CDKL5: variants seen among roughly 807,000 people sequenced by gnomAD.
CDKL5 encodes the protein cyclin dependent kinase like 5.
Under a neutral mutation model 61.7 loss-of-function variants are expected in CDKL5, and 8 were observed. The ratio of observed to expected loss-of-function variants is 0.13; its 90% CI spans 0.08 to 0.23. CDKL5 has a LOEUF of 0.23. CDKL5 is among the 10% of genes least tolerant of loss of function. The probability of loss-of-function intolerance (pLI) is 1.00; values close to 1 mark genes in which losing one functional copy is unlikely to be tolerated. For missense variants in CDKL5, 440 were observed against 734.5 expected (o/e 0.60, Z 4.63); for synonymous variants, 275 against 272.3 (o/e 1.01, Z -0.10).
At chrX:18,559,634 CTTT>C (rs1231411086) in intron 3 of CDKL5, among the ~76,000 whole-genome samples, 2 of 74,866 alleles carry the variant, frequency 2.7e-5, no homozygotes, top group Admixed American at 3.0e-4. Context: ...TTTTTTTTTT[CTTT>C]TTATTATTAT....
At position 18,519,583 on chromosome X, in the gene CDKL5, C is replaced by T. The variant is rs191959737; in HGVS notation, c.99+8729C>T. Among the ~76,000 whole-genome samples the T allele has an allele frequency of 3.4e-3, 379 of 111,686 alleles. 2 individuals carry two copies. The highest frequency in any genetic ancestry group is 0.03 in the Admixed American group (310 of 10,459). Reference sequence around the variant, plus strand: ...AGTTTTGTATTGGTTACCTCTTTCACGTGTCAACTGTCACAGCAGAGATGT... The same window carrying T: ...AGTTTTGTATTGGTTACCTCTTTCATGTGTCAACTGTCACAGCAGAGATGT... On this transcript the variant is annotated intron_variant, in intron 3 of 17. Transcript: ENST00000623535.
chrX:18,613,162 A>G lies in CDKL5; in HGVS notation c.2163A>G (p.Pro721=). Residue 721 remains proline (P), a synonymous_variant, in exon 15 of 18, where the codon CCA becomes CCG. Transcript: ENST00000623535. Reference sequence around the variant, plus strand: ...TTTTTCTTTATTCAGTGCCATCTCCACGTCCAGACAATTCTTTCCATGAAA... The same window carrying G: ...TTTTTCTTTATTCAGTGCCATCTCCGCGTCCAGACAATTCTTTCCATGAAA... ...RVGSFYRVPS[P]RPDNSFHENN... The G allele has an allele frequency of 8.4e-7, 1 of 1,189,264 alleles. No individual in the cohort carries two copies. The highest frequency in any genetic ancestry group is 1.1e-6 in the Non-Finnish European group (1 of 880,766).
At chrX:18,481,371 T>TCTTTCTTTA in intron 1 of CDKL5, among the ~76,000 whole-genome samples, 1 of 95,903 alleles carries the variant, frequency 1.0e-5, no homozygotes, top group African/African-American at 3.9e-5. Flanking sequence ...TTTCTTTCTT[T>TCTTTCTTTA]TGAGGCAGGG....
chrX:18,517,877 G>A (rs941383599), intron 3 of CDKL5, among the ~76,000 whole-genome samples: 37 of 111,109 alleles, frequency 3.3e-4, no homozygotes, highest in Non-Finnish European at 6.0e-4. Flanking sequence ...GCATGGTGGC[G>A]GACACCTGTA....
At chrX:18,564,883 C>T (rs1924917140) in intron 4 of CDKL5, among the ~76,000 whole-genome samples, 1 of 111,667 alleles carries the variant, frequency 9.0e-6, no homozygotes, top group Admixed American at 9.6e-5. Context: ...GTAAATACTT[C>T]TGTGGGTCCA....
Position 18,634,966 on chromosome X carries a change from A to G in CDKL5, c.*6209A>G. 1 of 742,234 alleles carries G rather than the reference A, an allele frequency of 1.3e-6. No homozygotes were observed. The highest frequency in any genetic ancestry group is 1.6e-6 in the Non-Finnish European group (1 of 631,649). 61.2% of individuals were successfully genotyped at this position (742,234 alleles called of 1,213,427 possible). A position where few individuals can be genotyped will look rare whatever the true frequency, so the allele number is the denominator to read the frequency against. On this transcript the variant is annotated 3_prime_UTR_variant, in exon 18 of 18. Transcript: ENST00000623535. ...AAGCCAGAATGATGTGACATCTAGTATGTGGTAGATGAAGAATCAGTGGAA... is the reference window on the plus strand; with the variant it reads ...AAGCCAGAATGATGTGACATCTAGTGTGTGGTAGATGAAGAATCAGTGGAA...
At position 18,461,028 on chromosome X, in the gene CDKL5, A is replaced by G. The variant is rs137900764; in HGVS notation, c.-163+35333A>G. 4.0e-3 allele frequency among the ~76,000 whole-genome samples: 453 copies of G among 112,522 alleles called. 2 individuals carry two copies. Among genetic ancestry groups the G allele is most frequent in the African/African-American group, 0.014 (440 of 31,025 alleles). On this transcript the variant is annotated intron_variant, in intron 1 of 17. Coordinates refer to ENST00000623535, the MANE Select transcript of CDKL5 (RefSeq NM_001323289.2). ...TCTCATTTGGGGAGTGTGGTTTACA[A>G]TGATTGGAGCAAAAGTTTCCTGAAT... is the stretch of plus-strand genomic sequence containing the variant.
chrX:18,560,740 AT>A (rs1015747446), intron 3 of CDKL5, among the ~76,000 whole-genome samples: 3 of 107,644 alleles, frequency 2.8e-5, no homozygotes, highest in African/African-American at 1.0e-4. Context: ...GACTTTCCTA[AT>A]TTCATTGATT....
chrX:18,611,429 C>A (rs1273278381), intron 14 of CDKL5, among the ~76,000 whole-genome samples: 1 of 99,042 alleles, frequency 1.0e-5, no homozygotes, highest in East Asian at 3.2e-4. Context: ...AGCAAGACTC[C>A]GTCTCAAAAC....
chrX:18,564,539 A>G lies in CDKL5; in HGVS notation c.145+17A>G, dbSNP rs199814742. Reference sequence around the variant, plus strand: ...ACAGTGAAGGTAGATATATATATATATATATATATATCTGTATATATGTAT... The same window carrying G: ...ACAGTGAAGGTAGATATATATATATGTATATATATATCTGTATATATGTAT... On this transcript the variant is annotated intron_variant, in intron 4 of 17. Coordinates refer to ENST00000623535, the MANE Select transcript of CDKL5 (RefSeq NM_001323289.2). 5.6e-3 allele frequency: 3,482 copies of G among 623,579 alleles called. 30 individuals are homozygous for G. The highest frequency in any genetic ancestry group is 0.016 in the Middle Eastern group (33 of 2,049). The allele number at this position is 623,579 out of a possible 1,213,427, so 51.4% of individuals were successfully genotyped here.
At chrX:18,621,052 T>C (rs1206354262) in intron 16 of CDKL5, among the ~76,000 whole-genome samples, 2 of 112,094 alleles carry the variant, frequency 1.8e-5, no homozygotes, top group Non-Finnish European at 3.8e-5. Context: ...TTTTGAATGG[T>C]TTTGGTTCTA....
chrX:18,434,381 G>A (rs1049260867), intron 1 of CDKL5, among the ~76,000 whole-genome samples: 1 of 111,286 alleles, frequency 9.0e-6, no homozygotes, highest in African/African-American at 3.3e-5. Context: ...GGTTGGTTGT[G>A]TCTGGATTTT....
At chrX:18,577,906 A>G (rs1925352619) in intron 5 of CDKL5, among the ~76,000 whole-genome samples, 1 of 112,577 alleles carries the variant, frequency 8.9e-6, no homozygotes, top group Non-Finnish European at 1.9e-5. Flanking sequence ...CAAATGGAGA[A>G]TCAAAAAATG....
downstream of CDKL5, chrX:18,642,259 A>C: frequency 3.2e-6 from 3 of 936,062 alleles, no homozygotes; most frequent in Non-Finnish European, 4.6e-6. Flanking sequence ...AGAAATGATT[A>C]GGAAGTAGTT....
chrX:18,457,912 CTTTTTT>C (rs775565675), intron 1 of CDKL5, among the ~76,000 whole-genome samples: 1 of 45,247 alleles, frequency 2.2e-5, no homozygotes, highest in Non-Finnish European at 3.8e-5. Context: ...CCATGCCCGG[CTTTTTT>C]TTTTTTTTTT....
At chrX:18,528,299 G>A (rs1433360181) in intron 3 of CDKL5, among the ~76,000 whole-genome samples, 4 of 93,469 alleles carry the variant, frequency 4.3e-5, no homozygotes, top group Non-Finnish European at 8.2e-5. Context: ...GGCTGTTAAA[G>A]TATCCAACTA....
intron 9 of CDKL5, among the ~76,000 whole-genome samples, chrX:18,594,901 G>A (rs1925940409): frequency 8.9e-6 from 1 of 112,068 alleles, no homozygotes; most frequent in Non-Finnish European, 1.9e-5. Context: ...ATACATAGAC[G>A]GCCGGGTGTG....
At chrX:18,478,498 C>G (rs1374850955) in intron 1 of CDKL5, among the ~76,000 whole-genome samples, 1 of 108,375 alleles carries the variant, frequency 9.2e-6, no homozygotes, top group African/African-American at 3.4e-5. Flanking sequence ...ACCATGTTGG[C>G]TAGGCTGGTC....
intron 2 of CDKL5, among the ~76,000 whole-genome samples, chrX:18,509,569 C>T (rs1275714736): frequency 9.0e-6 from 1 of 111,522 alleles, no homozygotes; most frequent in Non-Finnish European, 1.9e-5. Context: ...CAAAGCTCAG[C>T]TATCATTCAT....
Sources: allele counts gnomAD v4.1 joint callset (sites outside exome capture counted in the v4.1 genomes callset), GRCh38; gene constraint gnomAD v4.1.1; transcripts MANE v1.5; gene names NCBI Gene and HGNC (gene_info 2026-07-23, HGNC 2026-07-21).